The following TRIO variants were observed in gnomAD, a reference collection of about 807,000 sequenced individuals.
TRIO encodes the protein trio Rho guanine nucleotide exchange factor.
TRIO carries 58 observed loss-of-function variants against 351.9 expected under a neutral mutation model. The ratio of observed to expected loss-of-function variants is 0.16; its 90% CI spans 0.13 to 0.21. The LOEUF (loss-of-function observed/expected upper bound fraction) is 0.21, where lower values mean the gene tolerates loss of function less well. Ranked by LOEUF, TRIO falls within the 10% of genes least tolerant of loss-of-function variation. The probability of loss-of-function intolerance (pLI) is 1.00; values close to 1 mark genes in which losing one functional copy is unlikely to be tolerated. For missense variants in TRIO, 3,201 were observed against 4,027.8 expected, an observed-to-expected ratio of 0.79 and a Z score of 5.56; for synonymous variants, 1,758 against 1,595.7, an observed-to-expected ratio of 1.10 and a Z score of -2.42.
intron 34 of TRIO, among the ~76,000 whole-genome samples, chr5:14,446,238 G>A (rs1344639170): frequency 6.6e-6 from 1 of 152,064 alleles, no homozygotes; most frequent in East Asian, 1.9e-4. Flanking sequence ...ACAACAGGAA[G>A]GTGCGGGACA....
chr5:14,450,015 T>G (rs1221663352), intron 34 of TRIO, among the ~76,000 whole-genome samples: 1 of 152,242 alleles, frequency 6.6e-6, no homozygotes, highest in East Asian at 1.9e-4. Flanking sequence ...AAAATGATGC[T>G]CAAAGTCTTG....
chr5:14,400,814 A>G, intron 30 of TRIO, 149 bp from the exon 31 acceptor site: 1 of 664,220 alleles, frequency 1.5e-6, no homozygotes, highest in Non-Finnish European at 2.5e-6. Flanking sequence ...CAATGTCCTC[A>G]TTATAACTCA....
In TRIO at chr5:14,330,708, T is replaced by C. The variant is rs1038067986; in HGVS notation, c.1732-70T>C. On this transcript the variant is annotated intron_variant, in intron 9 of 56. Coordinates refer to ENST00000344204, the MANE Select transcript of TRIO (RefSeq NM_007118.4). ...TTTTAACAACAGAAGGGGTCTTCAT[T>C]GGATAACCTTAAACATTGAACATGG... is the stretch of plus-strand genomic sequence containing the variant. 8.6e-6 allele frequency: 13 copies of C among 1,508,908 alleles called. No homozygotes were observed. The Admixed American group carries it at 2.5e-4, about 29-fold the overall frequency. The allele number at this position is 1,508,908 out of a possible 1,614,324, so 93.5% of individuals were successfully genotyped here.
chr5:14,270,675 T>C, intron 1 of TRIO, 150 bp from the exon 2 acceptor site: 1 of 669,580 alleles, frequency 1.5e-6, no homozygotes. Flanking sequence ...ATCACAGACA[T>C]GGAATTTAAA....
At chr5:14,498,276 G>T (rs770990577) in intron 52 of TRIO, 25 bp downstream of exon 52, 1 of 1,606,682 alleles carries the variant, frequency 6.2e-7, no homozygotes, top group African/African-American at 1.3e-5. Flanking sequence ...CTCCTGGTGG[G>T]TTTCGCTGGC....
At chr5:14,226,900 T>TTTGTAG (rs56235530) in intron 1 of TRIO, among the ~76,000 whole-genome samples, 1 of 151,216 alleles carries the variant, frequency 6.6e-6, no homozygotes, top group Non-Finnish European at 1.5e-5. Flanking sequence ...CTCCCTGGTT[T>TTTGTAG]CTGCAGCTCT....
rs190819642 is a variant in TRIO at position 14,252,126 on chromosome 5, C to A, written c.158-18699C>A. Among the ~76,000 whole-genome samples the A allele has an allele frequency of 3.2e-3, 484 of 152,304 alleles. 2 individuals carry two copies. The highest frequency in any genetic ancestry group is 5.4e-3 in the Non-Finnish European group (365 of 68,030). On this transcript the variant is annotated intron_variant, in intron 1 of 56. Transcript: ENST00000344204. ...TAAACTCACTCCTGGCAATTTTGTG[C>A]CTTGTTCAAGATTTTGTCTCATTAA...
chr5:14,170,508 CTTTT>C (rs3994019), intron 1 of TRIO, among the ~76,000 whole-genome samples: 25 of 133,738 alleles, frequency 1.9e-4, no homozygotes, highest in African/African-American at 1.7e-4. Flanking sequence ...GCTTCTCTCT[CTTTT>C]TTTTTTTTTT....
intron 5 of TRIO, among the ~76,000 whole-genome samples, chr5:14,291,749 A>G (rs947284116): frequency 2.1e-5 from 3 of 141,032 alleles, no homozygotes; most frequent in African/African-American, 8.2e-5. Context: ...AGATCGTGCC[A>G]TTGCATTTCG....
At chr5:14,170,310 T>G (rs1789020501) in intron 1 of TRIO, among the ~76,000 whole-genome samples, 1 of 152,174 alleles carries the variant, frequency 6.6e-6, no homozygotes, top group South Asian at 2.1e-4. Flanking sequence ...TATAGTAGTT[T>G]GTATATACTG....
chr5:14,334,730 C>T (rs1021720270), intron 10 of TRIO, among the ~76,000 whole-genome samples: 5 of 152,204 alleles, frequency 3.3e-5, no homozygotes, highest in Admixed American at 2.6e-4. Flanking sequence ...ACAGGAGTTC[C>T]GAGGTGACGC....
intron 20 of TRIO, 59 bp downstream of exon 20, chr5:14,378,186 A>C: frequency 3.9e-6 from 5 of 1,286,554 alleles, no homozygotes; most frequent in Non-Finnish European, 5.5e-6. Flanking sequence ...ACCTGTCTCC[A>C]CAGAGAGGCT....
intron 33 of TRIO, among the ~76,000 whole-genome samples, chr5:14,415,620 A>G (rs1749579198): frequency 6.6e-6 from 1 of 152,188 alleles, no homozygotes; most frequent in Non-Finnish European, 1.5e-5. Flanking sequence ...CTATGTGGTA[A>G]TTGTTGAAGG....
chr5:14,340,397 GA>G (rs33944910), intron 11 of TRIO, among the ~76,000 whole-genome samples: 6,780 of 131,440 alleles, frequency 0.052, 170 homozygotes, highest in Middle Eastern at 0.083. Flanking sequence ...ACTCCGTCTG[GA>G]AAAAAAAAAA....
chr5:14,442,394 C>T (rs1195632403), intron 34 of TRIO, among the ~76,000 whole-genome samples: 1 of 151,710 alleles, frequency 6.6e-6, no homozygotes, highest in African/African-American at 2.4e-5. Flanking sequence ...GGTAGGGTGT[C>T]GGATCAAAAG....
rs149215501 is a variant in TRIO, at chr5:14,412,601, G to T, written c.4959+5929G>T. Among the ~76,000 whole-genome samples the T allele has an allele frequency of 1.8e-3, 273 of 152,332 alleles. 1 individual carries two copies. Among genetic ancestry groups the T allele is most frequent in the African/African-American group, 6.4e-3 (266 of 41,570 alleles). ...TGTCCTACACCCTTCCCTCTGGCTG[G>T]AGCTGCTCAGAGAGGATGCTCTCTG... On this transcript the variant is annotated intron_variant, in intron 33 of 56. Transcript: ENST00000344204.
At chr5:14,340,392 G>A (rs1269280215) in intron 11 of TRIO, among the ~76,000 whole-genome samples, 4 of 121,048 alleles carry the variant, frequency 3.3e-5, no homozygotes, top group East Asian at 2.5e-4. Flanking sequence ...GCAAGACTCC[G>A]TCTGGAAAAA....
intron 11 of TRIO, among the ~76,000 whole-genome samples, chr5:14,344,524 G>A (rs1378554464): frequency 6.6e-6 from 1 of 152,132 alleles, no homozygotes; most frequent in Non-Finnish European, 1.5e-5. Context: ...CAATCTCTAA[G>A]GAAAGTGAGA....
At chr5:14,322,657 G>A (rs1426271619) in intron 9 of TRIO, among the ~76,000 whole-genome samples, 1 of 152,160 alleles carries the variant, frequency 6.6e-6, no homozygotes, top group African/African-American at 2.4e-5. Flanking sequence ...TTTAAGTGAA[G>A]TTTGAGTTCC....
Sources: allele counts gnomAD v4.1 joint callset (sites outside exome capture counted in the v4.1 genomes callset), GRCh38; gene constraint gnomAD v4.1.1; transcripts MANE v1.5; gene names NCBI Gene and HGNC (gene_info 2026-07-23, HGNC 2026-07-21).